The following WLS variants were observed in gnomAD, a reference collection of about 807,000 sequenced individuals.
The protein encoded by WLS is protein wntless homolog.
A neutral mutation model predicts 62.8 loss-of-function variants in WLS; 23 were observed. The observed-to-expected ratio is 0.37, with a 90% CI of 0.26 to 0.52. The LOEUF is 0.52. Among genes scored for constraint, WLS ranks in the 20% least tolerant of loss-of-function variants. The pLI, the probability that WLS is intolerant of heterozygous loss-of-function variation, is 0.92. For synonymous variants in WLS, 246 were observed against 244.1 expected (o/e 1.01, Z -0.07); for missense variants, 615 against 697.3 (o/e 0.88, Z 1.33).
At chr1:68,126,739 G>A (rs1450689115) in intron 11 of WLS, among the ~76,000 whole-genome samples, 8 of 152,196 alleles carry the variant, frequency 5.3e-5, no homozygotes, top group Non-Finnish European at 1.5e-5. Context: ...AGGAAGCTGG[G>A]AGGTAGGCAA....
Position 68,110,657 on chromosome 1 carries a change from GTCTC to G in WLS, c.1511-11908_1511-11905del, listed in dbSNP as rs55965951. On this transcript the variant is annotated intron_variant, in intron 11 of 11. Transcript: ENST00000354777. ...GACTAAGAAGCCCCCAAAAATCTCT[GTCTC>G]TCTCTCTCTCTCTCTCTCTCTCTCT... Among the ~76,000 whole-genome samples, 695 of 114,052 alleles carry G rather than the reference GTCTC, an allele frequency of 6.1e-3. 6 individuals are homozygous for G. Among genetic ancestry groups the G allele is most frequent in the African/African-American group, 0.016 (552 of 35,172 alleles). The allele number at this position is 114,052 out of a possible 152,430, so 74.8% of individuals were successfully genotyped here. A position where few individuals can be genotyped will look rare whatever the true frequency, so the allele number is the denominator to read the frequency against.
intron 11 of WLS, among the ~76,000 whole-genome samples, chr1:68,099,349 A>C (rs1253778361): frequency 6.6e-6 from 1 of 152,240 alleles, no homozygotes; most frequent in African/African-American, 2.4e-5. Flanking sequence ...AGCTGAGCCT[A>C]GTATCTAAAA....
exon 12 of WLS, chr1:68,098,500 C>G: frequency 7.2e-7 from 1 of 1,379,882 alleles, no homozygotes; most frequent in Admixed American, 2.4e-5. Context: ...TTATTGTTGA[C>G]GCTTTTTTCC....
chr1:68,113,859 A>C (rs925443230), intron 11 of WLS, among the ~76,000 whole-genome samples: 3 of 152,252 alleles, frequency 2.0e-5, no homozygotes, highest in Non-Finnish European at 4.4e-5. Flanking sequence ...AGGGAGCAGA[A>C]CGATAATGTG....
At chr1:68,110,220 AAAATTTAATTTAAAATT>A (rs1373513158) in intron 11 of WLS, among the ~76,000 whole-genome samples, 1 of 151,884 alleles carries the variant, frequency 6.6e-6, no homozygotes, top group Non-Finnish European at 1.5e-5. Context: ...AGATTTTTAA[AAAATTTAATTTAAAATT>A]AAGTTGAAAA....
intron 11 of WLS, among the ~76,000 whole-genome samples, chr1:68,106,759 G>GT (rs1646152234): frequency 1.3e-5 from 2 of 149,374 alleles, no homozygotes; most frequent in African/African-American, 5.0e-5. Flanking sequence ...TGTATGTGTG[G>GT]GTAGGTGGGT....
intron 1 of WLS, among the ~76,000 whole-genome samples, chr1:68,209,641 G>A (rs1426351952): frequency 3.3e-5 from 5 of 152,164 alleles, no homozygotes; most frequent in African/African-American, 1.2e-4. Flanking sequence ...TTAGCTGGGT[G>A]TGGTGGCGCA....
chr1:68,165,286 A>G (rs1429033738), intron 2 of WLS, among the ~76,000 whole-genome samples: 2 of 152,150 alleles, frequency 1.3e-5, no homozygotes, highest in African/African-American at 4.8e-5. Context: ...TGGGCCCCAC[A>G]CTTTTAAAGG....
chr1:68,195,026 C>T (rs768318324), intron 1 of WLS, among the ~76,000 whole-genome samples: 2 of 152,144 alleles, frequency 1.3e-5, no homozygotes, highest in Non-Finnish European at 2.9e-5. Flanking sequence ...AGGGAAGTAA[C>T]CACTGTTGGA....
At chr1:68,216,527 C>A (rs1286596600) in intron 1 of WLS, among the ~76,000 whole-genome samples, 1 of 152,218 alleles carries the variant, frequency 6.6e-6, no homozygotes, top group Non-Finnish European at 1.5e-5. Context: ...CCCTCATGTC[C>A]TTTTCCCTGC....
intron 11 of WLS, among the ~76,000 whole-genome samples, chr1:68,128,213 G>T (rs1646464538): frequency 6.6e-6 from 1 of 152,230 alleles, no homozygotes. Flanking sequence ...TAAGGCTGGT[G>T]AGAGGCTTTA....
intron 2 of WLS, chr1:68,161,938 T>C: frequency 1.9e-6 from 3 of 1,610,798 alleles, no homozygotes; most frequent in Non-Finnish European, 2.5e-6. Flanking sequence ...CGGATATCTG[T>C]ATGTGGCACC....
chr1:68,122,194 C>T, downstream of WLS, among the ~76,000 whole-genome samples: 1 of 152,188 alleles, frequency 6.6e-6, no homozygotes, highest in East Asian at 1.9e-4. Context: ...AGACCCAAGA[C>T]CAGGGTGTGG....
chr1:68,228,341 G>C (rs539695797), intron 1 of WLS: 2 of 357,044 alleles, frequency 5.6e-6, no homozygotes, highest in African/African-American at 2.2e-5. Flanking sequence ...ACAGTGACCT[G>C]CTTTTTCAAC....
At chr1:68,132,420 G>A (rs1203225149) in intron 11 of WLS, among the ~76,000 whole-genome samples, 2 of 152,140 alleles carry the variant, frequency 1.3e-5, no homozygotes, top group South Asian at 4.1e-4. Flanking sequence ...CAGGGAGATG[G>A]CGTCAATAAA....
intron 9 of WLS, among the ~76,000 whole-genome samples, chr1:68,145,619 G>A (rs969774557): frequency 6.6e-5 from 10 of 151,952 alleles, no homozygotes; most frequent in South Asian, 2.1e-4. Flanking sequence ...CTGAAGAACC[G>A]GCTGAACAAG....
At chr1:68,155,022 GGT>G (rs755152960) in intron 4 of WLS, 75 bp downstream of exon 4, 1,105 of 1,446,980 alleles carry the variant, frequency 7.6e-4, no homozygotes, top group Non-Finnish European at 9.5e-4. Context: ...AGATGAGACA[GGT>G]GAGGCATAGA....
intron 2 of WLS, among the ~76,000 whole-genome samples, chr1:68,169,404 A>G (rs553788207): frequency 1.3e-5 from 2 of 152,190 alleles, no homozygotes; most frequent in East Asian, 1.9e-4. Flanking sequence ...GAAAAAAACC[A>G]TATCTATTGT....
At chr1:68,137,734 G>A (rs1028181391) in intron 11 of WLS, 46 bp downstream of exon 11, 16 of 1,574,486 alleles carry the variant, frequency 1.0e-5, no homozygotes, top group East Asian at 4.5e-5. Context: ...AAAGACAGAA[G>A]CCTATTTATC....
Sources: allele counts gnomAD v4.1 joint callset (sites outside exome capture counted in the v4.1 genomes callset), GRCh38; gene constraint gnomAD v4.1.1; transcripts MANE v1.5; gene names NCBI Gene and HGNC (gene_info 2026-07-23, HGNC 2026-07-21).